The following MAP3K7CL variants were observed in gnomAD, a reference collection of about 807,000 sequenced individuals.
MAP3K7CL encodes MAP3K7 C-terminal-like protein.
A neutral mutation model predicts 18.6 loss-of-function variants in MAP3K7CL; 16 were observed. That is an observed-to-expected ratio of 0.86 (90% confidence interval 0.58 to 1.31). The LOEUF (loss-of-function observed/expected upper bound fraction) is 1.31. Ranked by LOEUF, MAP3K7CL falls within the 50% of genes most tolerant of loss-of-function variation. MAP3K7CL has a pLI of 0.00. For synonymous variants in MAP3K7CL, 65 were observed against 66.8 expected, an observed-to-expected ratio of 0.97 and a Z score of 0.13; for missense variants, 163 against 174.4, an observed-to-expected ratio of 0.93 and a Z score of 0.37.
chr21:29,104,978 A>C (rs965413118), intron 4 of MAP3K7CL, among the ~76,000 whole-genome samples: 3 of 152,182 alleles, frequency 2.0e-5, no homozygotes, highest in African/African-American at 7.2e-5. Context: ...TTATTGAAGA[A>C]CCATGCATAG....
intron 4 of MAP3K7CL, among the ~76,000 whole-genome samples, chr21:29,121,625 A>G (rs971306117): frequency 9.2e-5 from 14 of 152,174 alleles, no homozygotes; most frequent in African/African-American, 3.4e-4. Flanking sequence ...CCAGAAAGGT[A>G]GTGAGCCAGA....
intron 2 of MAP3K7CL, among the ~76,000 whole-genome samples, chr21:29,146,104 A>AG (rs2087123006): frequency 6.6e-6 from 1 of 151,916 alleles, no homozygotes; most frequent in South Asian, 2.1e-4. Flanking sequence ...GTGACTTCAC[A>AG]GGGGGCAAGG....
At chr21:29,121,757 G>A (rs922167301) in intron 4 of MAP3K7CL, among the ~76,000 whole-genome samples, 2 of 151,496 alleles carry the variant, frequency 1.3e-5, no homozygotes, top group Admixed American at 6.6e-5. Context: ...TGTCTGAAGG[G>A]TACTTAGGCT....
chr21:29,088,950 T>C (rs569172118), intron 1 of MAP3K7CL, among the ~76,000 whole-genome samples: 37 of 152,036 alleles, frequency 2.4e-4, no homozygotes, highest in African/African-American at 8.9e-4. Flanking sequence ...GGTAGGTAGA[T>C]CACTAGGTCA....
chr21:29,175,104 A>G lies in MAP3K7CL; in HGVS notation c.*212A>G. On this transcript the variant is annotated 3_prime_UTR_variant, in exon 5 of 5. Transcript: ENST00000399928. ...ATTAACGTGAAACTATTACTAGTAT[A>G]TGTTTTTGGAGATCAGAATTCTTTT... The G allele has an allele frequency of 2.4e-6, 1 of 424,322 alleles. No individual in the cohort carries two copies. Among genetic ancestry groups the G allele is most frequent in the Non-Finnish European group, 4.1e-6 (1 of 242,032 alleles). 26.3% of individuals were successfully genotyped at this position (424,322 alleles called of 1,614,324 possible).
intron 4 of MAP3K7CL, among the ~76,000 whole-genome samples, chr21:29,160,414 C>T (rs922903369): frequency 7.2e-5 from 11 of 152,334 alleles, no homozygotes; most frequent in Admixed American, 4.6e-4. Context: ...TCCCACATCA[C>T]GTGAAGAAGC....
At chr21:29,127,070 A>G (rs2086693870), upstream of MAP3K7CL, among the ~76,000 whole-genome samples, 1 of 152,238 alleles carries the variant, frequency 6.6e-6, no homozygotes, top group African/African-American at 2.4e-5. Flanking sequence ...CCTAGTAATC[A>G]GGTACTTTTG....
chr21:29,121,019 T>C (rs989938154), intron 4 of MAP3K7CL, among the ~76,000 whole-genome samples: 7 of 110,186 alleles, frequency 6.4e-5, no homozygotes, highest in Admixed American at 1.9e-4. Context: ...TGAGCTATGA[T>C]TGTGCCACTG....
chr21:29,172,424 G>A (rs930082870), intron 4 of MAP3K7CL, among the ~76,000 whole-genome samples: 1 of 152,110 alleles, frequency 6.6e-6, no homozygotes, highest in Non-Finnish European at 1.5e-5. Context: ...TGCATGTGAT[G>A]TCTATTTATC....
intron 1 of MAP3K7CL, 105 bp downstream of exon 1, chr21:29,131,028 TC>T: frequency 1.4e-6 from 1 of 702,392 alleles, no homozygotes; most frequent in Non-Finnish European, 1.8e-6. Context: ...GTGGTTCGTT[TC>T]CCCAGACGGT....
At chr21:29,166,492 A>C (rs2087691834) in intron 4 of MAP3K7CL, among the ~76,000 whole-genome samples, 1 of 152,202 alleles carries the variant, frequency 6.6e-6, no homozygotes, top group African/African-American at 2.4e-5. Flanking sequence ...GAGTTGTGCA[A>C]CCATCACCAA....
chr21:29,086,284 G>A (rs1007907815), intron 1 of MAP3K7CL, among the ~76,000 whole-genome samples: 1 of 152,212 alleles, frequency 6.6e-6, no homozygotes, highest in Non-Finnish European at 1.5e-5. Context: ...TAGAGAAAGA[G>A]CAGGCACAGA....
intron 4 of MAP3K7CL, among the ~76,000 whole-genome samples, chr21:29,163,747 G>A (rs959302476): frequency 2.0e-5 from 3 of 147,744 alleles, no homozygotes; most frequent in African/African-American, 7.5e-5. Flanking sequence ...CCAGGCTGGA[G>A]TGCAGTGATG....
In MAP3K7CL at chr21:29,105,178, C is replaced by T. The variant is rs533008610; in HGVS notation, c.370+12597C>T. Among the ~76,000 whole-genome samples the T allele has an allele frequency of 3.3e-5, 5 of 152,218 alleles. No individual in the cohort carries two copies. In the East Asian group the frequency reaches 5.8e-4, roughly 18 times the overall value. ...GGGCAATTCCTCATTTTTTGCTTTC[C>T]GTCTACAATGACCCCATCACTGGAA... On this transcript the variant is annotated intron_variant, in intron 4 of 6. Transcript: ENST00000286791.
chr21:29,126,502 A>C (rs2086683809), upstream of MAP3K7CL, among the ~76,000 whole-genome samples: 2 of 152,086 alleles, frequency 1.3e-5, no homozygotes. Context: ...CTTGTTGCCC[A>C]GGCTGGAGTA....
intron 1 of MAP3K7CL, among the ~76,000 whole-genome samples, chr21:29,080,351 A>G (rs537284345): frequency 1.3e-5 from 2 of 152,344 alleles, no homozygotes; most frequent in Non-Finnish European, 2.9e-5. Context: ...GGTGGTAGGA[A>G]AACAAAGCCT....
At chr21:29,090,881 A>G (rs2086015424) in intron 1 of MAP3K7CL, among the ~76,000 whole-genome samples, 1 of 152,082 alleles carries the variant, frequency 6.6e-6, no homozygotes, top group South Asian at 2.1e-4. Context: ...AATGCAAGCC[A>G]TATATGTAAT....
chr21:29,151,199 G>A (rs957208099), intron 3 of MAP3K7CL, among the ~76,000 whole-genome samples: 2 of 151,770 alleles, frequency 1.3e-5, no homozygotes, highest in Admixed American at 6.6e-5. Context: ...CCATTGGCCC[G>A]GTGCCGTGGC....
At chr21:29,155,704 A>G (rs1021997293) in intron 3 of MAP3K7CL, among the ~76,000 whole-genome samples, 5 of 152,220 alleles carry the variant, frequency 3.3e-5, no homozygotes, top group African/African-American at 1.2e-4. Flanking sequence ...CTGCACTGCC[A>G]TGAAATATTA....
Sources: gnomAD v4.1 joint callset for allele counts (sites outside exome capture counted in the v4.1 genomes callset) on GRCh38, gnomAD v4.1.1 for gene constraint, MANE v1.5 for transcripts, NCBI Gene and HGNC (gene_info 2026-07-23, HGNC 2026-07-21) for gene names.